Variants in MAPKAP1 observed in about 807,000 individuals in gnomAD.
MAPKAP1 encodes target of rapamycin complex 2 subunit MAPKAP1.
In MAPKAP1, 20 loss-of-function variants were observed where a neutral mutation model predicts 65.7. The observed-to-expected ratio is 0.30, with a 90% CI of 0.21 to 0.44. The LOEUF (loss-of-function observed/expected upper bound fraction) is 0.44, where lower values mean the gene tolerates loss of function less well. Among genes scored for constraint, MAPKAP1 ranks in the 20% least tolerant of loss-of-function variants. The probability of loss-of-function intolerance (pLI) is 1.00; values close to 1 mark genes in which losing one functional copy is unlikely to be tolerated. For missense variants in MAPKAP1, 423 were observed against 648.0 expected (o/e 0.65, Z 3.77); for synonymous variants, 222 against 244.3 (o/e 0.91, Z 0.85).
In MAPKAP1 at chr9:125,485,542, C is replaced by T. The variant is rs116048241; in HGVS notation, c.1067-959G>A. 4.3e-3 allele frequency among the ~76,000 whole-genome samples: 654 copies of T among 152,322 alleles called. 3 individuals carry two copies. Among genetic ancestry groups the T allele is most frequent in the African/African-American group, 0.015 (622 of 41,560 alleles). ...ATATTCTTCTCACTTCTCACACATG[C>T]CTTCTCTCAGCCCTCTCAAACCCCT... On this transcript the variant is annotated intron_variant, in intron 8 of 11. Coordinates refer to ENST00000265960, the MANE Select transcript of MAPKAP1 (RefSeq NM_001006617.3).
chr9:125,592,865 T>G (rs1257734329), intron 4 of MAPKAP1, among the ~76,000 whole-genome samples: 1 of 125,654 alleles, frequency 8.0e-6, no homozygotes, highest in Admixed American at 1.0e-4. Flanking sequence ...ATAGCACCAC[T>G]GCAGTCCAGC....
At chr9:125,655,313 G>A (rs191615072) in intron 4 of MAPKAP1, among the ~76,000 whole-genome samples, 14 of 152,098 alleles carry the variant, frequency 9.2e-5, no homozygotes, top group African/African-American at 3.4e-4. Flanking sequence ...ATTTATGGGA[G>A]GAATCAATCT....
chr9:125,691,104 A>C (rs1312637008), intron 1 of MAPKAP1, among the ~76,000 whole-genome samples: 1 of 152,154 alleles, frequency 6.6e-6, no homozygotes, highest in Non-Finnish European at 1.5e-5. Context: ...TACTAAAAAT[A>C]GAAAAAATTA....
intron 7 of MAPKAP1, among the ~76,000 whole-genome samples, chr9:125,510,856 G>C (rs1454389634): frequency 6.6e-6 from 1 of 152,084 alleles, no homozygotes; most frequent in Non-Finnish European, 1.5e-5. Flanking sequence ...CTCCAAAAAG[G>C]CCAGGATGAT....
chr9:125,575,838 C>G (rs924839396), intron 5 of MAPKAP1, among the ~76,000 whole-genome samples: 16 of 152,238 alleles, frequency 1.1e-4, no homozygotes, highest in African/African-American at 3.6e-4. Context: ...CAATCACACT[C>G]CTACATATTT....
chr9:125,573,908 T>G (rs1482330823), intron 5 of MAPKAP1, among the ~76,000 whole-genome samples: 1 of 152,236 alleles, frequency 6.6e-6, no homozygotes, highest in Non-Finnish European at 1.5e-5. Context: ...GCAAACATTA[T>G]TTAGTTTAAC....
chr9:125,665,083 CAT>C (rs1302616792), intron 3 of MAPKAP1, among the ~76,000 whole-genome samples: 1 of 152,162 alleles, frequency 6.6e-6, no homozygotes, highest in African/African-American at 2.4e-5. Context: ...GGGCGGATCA[CAT>C]GAGGCCAGGA....
intron 6 of MAPKAP1, among the ~76,000 whole-genome samples, chr9:125,553,803 G>A (rs1183492058): frequency 2.6e-5 from 4 of 152,116 alleles, no homozygotes; most frequent in Non-Finnish European, 2.9e-5. Context: ...TTGGGAAGCT[G>A]AGGTCAGCAG....
chr9:125,652,170 T>A (rs1223171097), intron 4 of MAPKAP1: 1 of 1,321,606 alleles, frequency 7.6e-7, no homozygotes, highest in Non-Finnish European at 1.0e-6. Flanking sequence ...TGCAAAGTTT[T>A]AAGTGACTTT....
intron 10 of MAPKAP1, among the ~76,000 whole-genome samples, chr9:125,445,442 T>C (rs773478035): frequency 1.4e-4 from 22 of 152,378 alleles, no homozygotes; most frequent in African/African-American, 2.2e-4. Context: ...AAAGATTTGC[T>C]GATCCTGGGT....
intron 4 of MAPKAP1, among the ~76,000 whole-genome samples, chr9:125,624,293 G>A (rs1375332113): frequency 5.0e-5 from 1 of 20,056 alleles, no homozygotes; most frequent in African/African-American, 1.0e-4. Flanking sequence ...GGGAAGTGAG[G>A]AGCCCCTCTG....
chr9:125,446,698 T>C (rs1300589095), intron 10 of MAPKAP1, among the ~76,000 whole-genome samples: 1 of 152,070 alleles, frequency 6.6e-6, no homozygotes, highest in Non-Finnish European at 1.5e-5. Context: ...GGCCTGGGGC[T>C]AGAAAGAACC....
rs957338180 is a variant in MAPKAP1 at position 125,536,144 on chromosome 9, T to C, written c.958+6915A>G. Among the ~76,000 whole-genome samples, 4 of 152,168 alleles carry C rather than the reference T, an allele frequency of 2.6e-5. No homozygotes were observed. The East Asian group carries it at 7.7e-4, about 29-fold the overall frequency. On this transcript the variant is annotated intron_variant, in intron 7 of 11. Transcript: ENST00000265960. ...GTCTCTAAAGTGGTTCCAAAAGATT[T>C]TTGCTTGACATAAATTCTCTAAATT... is the stretch of plus-strand genomic sequence containing the variant.
chr9:125,510,564 G>A (rs781146112), intron 7 of MAPKAP1, among the ~76,000 whole-genome samples: 8 of 152,022 alleles, frequency 5.3e-5, no homozygotes, highest in African/African-American at 9.7e-5. Flanking sequence ...AATATTCTAC[G>A]CTCAGTTTAG....
At chr9:125,474,727 A>C (rs1298616900) in intron 9 of MAPKAP1, among the ~76,000 whole-genome samples, 1 of 152,230 alleles carries the variant, frequency 6.6e-6, no homozygotes, top group Non-Finnish European at 1.5e-5. Context: ...TAAGGCATTT[A>C]ACAATTCATG....
chr9:125,444,548 G>C lies in MAPKAP1; in HGVS notation c.1396C>G (p.Leu466Val). ...TYLSNHDYKH[L>V]YFESDAATVN... ...GTAGCAGCGTCCGATTCAAAGTAGA[G>C]GTGTTTATAGTCGTGATTGCTTAGA... is the stretch of plus-strand genomic sequence containing the variant. Residue 466 changes from leucine (L) to valine (V), a missense_variant, in exon 11 of 12, where the codon CTC becomes GTC. By Grantham distance (32) the Leu-to-Val change is conservative. Coordinates refer to ENST00000265960, the MANE Select transcript of MAPKAP1 (RefSeq NM_001006617.3). 1 of 1,613,902 alleles carries C rather than the reference G, an allele frequency of 6.2e-7. No homozygotes were observed. The highest frequency in any genetic ancestry group is 8.5e-7 in the Non-Finnish European group (1 of 1,179,882).
intron 5 of MAPKAP1, among the ~76,000 whole-genome samples, chr9:125,583,640 G>A (rs763840575): frequency 6.6e-6 from 1 of 152,188 alleles, no homozygotes; most frequent in Non-Finnish European, 1.5e-5. Flanking sequence ...AAGCTACTTA[G>A]TCTCTCTAAG....
chr9:125,489,311 C>T (rs1260955615), intron 8 of MAPKAP1, among the ~76,000 whole-genome samples: 1 of 152,156 alleles, frequency 6.6e-6, no homozygotes, highest in African/African-American at 2.4e-5. Context: ...TACATTAATG[C>T]TGAACTGGGT....
chr9:125,567,689 G>A (rs1158265723), intron 5 of MAPKAP1: 1 of 152,150 alleles, frequency 6.6e-6, no homozygotes, highest in Non-Finnish European at 1.5e-5. Flanking sequence ...TGAGATCCAA[G>A]AACCCTCTCT....
Sources: gnomAD v4.1 joint callset for allele counts (sites outside exome capture counted in the v4.1 genomes callset) on GRCh38, gnomAD v4.1.1 for gene constraint, MANE v1.5 for transcripts, NCBI Gene and HGNC (gene_info 2026-07-23, HGNC 2026-07-21) for gene names.